Variants in GALNT2 observed in about 807,000 individuals in gnomAD.
GALNT2 encodes polypeptide N-acetylgalactosaminyltransferase 2, also known as UDP-GalNAc:polypeptide N-acetylgalactosaminyltransferase 2.
In GALNT2, 31 loss-of-function variants were observed where a neutral mutation model predicts 81.4. The observed-to-expected ratio is 0.38, with a 90% CI of 0.29 to 0.51. GALNT2 has a LOEUF of 0.51. GALNT2 is among the 20% of genes least tolerant of loss of function. The pLI, the probability that GALNT2 is intolerant of heterozygous loss-of-function variation, is 0.87. For missense variants in GALNT2, 629 were observed against 765.7 expected, an observed-to-expected ratio of 0.82 and a Z score of 2.11; for synonymous variants, 303 against 287.4, an observed-to-expected ratio of 1.05 and a Z score of -0.55.
At chr1:230,209,039 G>GT (rs957708329) in intron 3 of GALNT2, among the ~76,000 whole-genome samples, 4 of 149,356 alleles carry the variant, frequency 2.7e-5, no homozygotes, top group Non-Finnish European at 5.9e-5. Context: ...CCCCCCATTA[G>GT]TTAAAAAAAA....
chr1:230,261,081 C>CTT lies in GALNT2; in HGVS notation c.1137-1475_1137-1474dup, dbSNP rs60478941. On this transcript the variant is annotated intron_variant, in intron 11 of 15. Transcript: ENST00000366672. ...CCTCATATTTAGTCATAAAGTTTCT[C>CTT]TTTTTTTTTTTTTTTTTTGCTATTA... Among the ~76,000 whole-genome samples, 1,074 of 130,360 alleles carry CTT rather than the reference C, an allele frequency of 8.2e-3. 7 individuals carry two copies. Among genetic ancestry groups the CTT allele is most frequent in the Non-Finnish European group, 0.01 (610 of 60,952 alleles). 85.5% of individuals were successfully genotyped at this position (130,360 alleles called of 152,430 possible). A position where few individuals can be genotyped will look rare whatever the true frequency, so the allele number is the denominator to read the frequency against.
chr1:230,061,428 A>C (rs1659044319), intron 1 of GALNT2, among the ~76,000 whole-genome samples: 1 of 152,210 alleles, frequency 6.6e-6, no homozygotes, highest in Non-Finnish European at 1.5e-5. Flanking sequence ...AACACTATGA[A>C]AAAAATAAAG....
In GALNT2 at chr1:230,107,825, G is replaced by A. The variant is rs1419065078; in HGVS notation, c.126+40419G>A. 2.6e-5 allele frequency among the ~76,000 whole-genome samples: 4 copies of A among 152,258 alleles called. No homozygotes were observed. In the East Asian group the frequency reaches 7.7e-4, roughly 29 times the overall value. Reference sequence around the variant, plus strand: ...AAGACATTAAAAATTAGAGTCAAGGGACTGCTAAGACTTGGGGTGCTGGTG... The same window carrying A: ...AAGACATTAAAAATTAGAGTCAAGGAACTGCTAAGACTTGGGGTGCTGGTG... On this transcript the variant is annotated intron_variant, in intron 1 of 15. Transcript: ENST00000366672.
chr1:230,152,069 T>C (rs1031416020), intron 1 of GALNT2, among the ~76,000 whole-genome samples: 1 of 152,228 alleles, frequency 6.6e-6, no homozygotes, highest in Non-Finnish European at 1.5e-5. Context: ...CTGTAGCCTG[T>C]CTTATCAGCA....
intron 7 of GALNT2, 126 bp from the exon 8 acceptor site, chr1:230,245,937 A>T: frequency 1.3e-6 from 1 of 756,874 alleles, no homozygotes; most frequent in Non-Finnish European, 2.4e-6. Context: ...TTGAGGGCCT[A>T]GGGTAGTAGG....
At chr1:230,236,826 C>G (rs1665048330) in intron 6 of GALNT2, 101 bp downstream of exon 6, 2 of 1,198,532 alleles carry the variant, frequency 1.7e-6, no homozygotes, top group African/African-American at 1.5e-5. Flanking sequence ...AATTGTCTAG[C>G]TTTTTTCTGT....
At position 230,274,547 on chromosome 1, in the gene GALNT2, G is replaced by GA. The variant is rs34588899; in HGVS notation, c.1547dup (p.Asn516LysfsTer2). The GA allele has an allele frequency of 6.2e-7, 1 of 1,613,974 alleles. No homozygotes were observed. The highest frequency in any genetic ancestry group is 8.5e-7 in the Non-Finnish European group (1 of 1,179,912). ...TCTTATAAAGCTGCAGGGCTGCCGAGAAAATGACAGCAGACAGGTACGGCT... is the reference window on the plus strand; with the variant it reads ...TCTTATAAAGCTGCAGGGCTGCCGAGAAAAATGACAGCAGACAGGTACGGCT... On this transcript the variant is annotated frameshift_variant, in exon 15 of 16. Transcript: ENST00000366672. LOFTEE classifies it high-confidence loss of function.
chr1:230,214,730 C>T (rs1186103453), intron 3 of GALNT2, among the ~76,000 whole-genome samples: 2 of 152,166 alleles, frequency 1.3e-5, no homozygotes, highest in Middle Eastern at 3.2e-3. Context: ...GTTCTGTCTC[C>T]TCTTCCTCTG....
At chr1:230,137,272 C>A (rs79502055) in intron 1 of GALNT2, among the ~76,000 whole-genome samples, 57 of 152,310 alleles carry the variant, frequency 3.7e-4, no homozygotes, top group African/African-American at 1.3e-3. Context: ...TGGAGCTTCA[C>A]GTAGGCTGGG....
intron 6 of GALNT2, among the ~76,000 whole-genome samples, chr1:230,237,985 G>T (rs1665084063): frequency 6.6e-6 from 1 of 152,144 alleles, no homozygotes; most frequent in Non-Finnish European, 1.5e-5. Context: ...TTAACTTTCC[G>T]CTAGAATGTT....
At chr1:230,180,038 G>A (rs1663107988) in intron 2 of GALNT2, among the ~76,000 whole-genome samples, 2 of 152,124 alleles carry the variant, frequency 1.3e-5, no homozygotes, top group African/African-American at 2.4e-5. Flanking sequence ...TCCTGTTTAA[G>A]CCTCCCAGTA....
chr1:230,132,112 C>T (rs1246649250), intron 1 of GALNT2, among the ~76,000 whole-genome samples: 1 of 152,134 alleles, frequency 6.6e-6, no homozygotes, highest in Non-Finnish European at 1.5e-5. Flanking sequence ...GCTAGCCTTC[C>T]CTTAAAATAG....
chr1:230,190,292 G>T (rs537588461), intron 2 of GALNT2, among the ~76,000 whole-genome samples: 3 of 152,214 alleles, frequency 2.0e-5, no homozygotes, highest in Admixed American at 6.5e-5. Flanking sequence ...TGCCCTGGGC[G>T]TATACCCAGG....
At chr1:230,071,687 G>A (rs1659380538) in intron 1 of GALNT2, among the ~76,000 whole-genome samples, 2 of 152,258 alleles carry the variant, frequency 1.3e-5, no homozygotes, top group Non-Finnish European at 2.9e-5. Flanking sequence ...CCTATCATCA[G>A]TTTGGAGTTT....
rs181820423 is a variant in GALNT2, at chr1:230,273,588, C to T, written c.1441-857C>T. ...GGCCCTGCCTGGAACAGGCTCCGGC[C>T]TCCTCTGCCACCTGGGACCATGTCT... On this transcript the variant is annotated intron_variant, in intron 14 of 15. Transcript: ENST00000366672. Among the ~76,000 whole-genome samples, 110 of 152,326 alleles carry T rather than the reference C, an allele frequency of 7.2e-4. 1 individual carries two copies. The highest frequency in any genetic ancestry group is 2.5e-3 in the African/African-American group (103 of 41,572).
intron 1 of GALNT2, among the ~76,000 whole-genome samples, chr1:230,148,331 C>T (rs1315738096): frequency 1.3e-5 from 2 of 152,188 alleles, no homozygotes; most frequent in South Asian, 4.1e-4. Context: ...GGAAAGGGGG[C>T]GTTTTCAGGG....
chr1:230,163,381 C>A (rs1335646770), intron 1 of GALNT2, among the ~76,000 whole-genome samples: 1 of 152,154 alleles, frequency 6.6e-6, no homozygotes, highest in African/African-American at 2.4e-5. Context: ...TGCTGTTGCT[C>A]ATCAGAGAGC....
At chr1:230,111,812 T>A (rs1260134890) in intron 1 of GALNT2, among the ~76,000 whole-genome samples, 1 of 152,136 alleles carries the variant, frequency 6.6e-6, no homozygotes, top group Non-Finnish European at 1.5e-5. Flanking sequence ...GAATACAAAA[T>A]CTAGAGCTTT....
chr1:230,279,285 C>G lies in GALNT2; in HGVS notation c.1561-18C>G. On this transcript the variant is annotated intron_variant, in intron 15 of 15. Coordinates refer to ENST00000366672, the MANE Select transcript of GALNT2 (RefSeq NM_004481.5). The surrounding 1 kb of genome is among the most constrained non-coding windows in gnomAD (Gnocchi z 4.6). ...TTGCTTGTGCCCACACTCTAAGGCACTCTCCTGTGTCTTGCAGAAATGGGA... is the reference window on the plus strand; with the variant it reads ...TTGCTTGTGCCCACACTCTAAGGCAGTCTCCTGTGTCTTGCAGAAATGGGA... The G allele has an allele frequency of 6.2e-7, 1 of 1,609,598 alleles. No individual in the cohort carries two copies. Among genetic ancestry groups the G allele is most frequent in the South Asian group, 1.1e-5 (1 of 90,614 alleles).
Sources: gnomAD v4.1 joint callset for allele counts (sites outside exome capture counted in the v4.1 genomes callset) on GRCh38, gnomAD v4.1.1 for gene constraint, Gnocchi (gnomAD v3.1) non-coding constraint, MANE v1.5 for transcripts, NCBI Gene and HGNC (gene_info 2026-07-23, HGNC 2026-07-21) for gene names.